Variants in PRIM2 observed in about 807,000 individuals in gnomAD.
The protein encoded by PRIM2 is DNA primase large subunit.
A neutral mutation model predicts 67.3 loss-of-function variants in PRIM2; 39 were observed. That is an observed-to-expected ratio of 0.58 (90% CI 0.45 to 0.76). The LOEUF is 0.76. PRIM2 is among the 30% of genes least tolerant of loss of function. The pLI, the probability that PRIM2 is intolerant of heterozygous loss-of-function variation, is 0.00. For synonymous variants in PRIM2, 143 were observed against 198.7 expected (o/e 0.72, Z 2.36); for missense variants, 398 against 598.7 (o/e 0.66, Z 3.50).
chr6:57,435,540 A>G (rs1581901639), intron 7 of PRIM2, among the ~76,000 whole-genome samples: 1 of 152,222 alleles, frequency 6.6e-6, no homozygotes, highest in Admixed American at 6.5e-5. Context: ...AAACATCATA[A>G]AAGTATGGAC....
At chr6:57,471,694 A>G (rs1230062474) in intron 7 of PRIM2, among the ~76,000 whole-genome samples, 1 of 152,230 alleles carries the variant, frequency 6.6e-6, no homozygotes, top group Non-Finnish European at 1.5e-5. Context: ...TGGATGAACA[A>G]TGAATGATTT....
At chr6:57,608,970 C>T (rs1297385863) in intron 12 of PRIM2, among the ~76,000 whole-genome samples, 5 of 152,182 alleles carry the variant, frequency 3.3e-5, no homozygotes, top group African/African-American at 4.8e-5. Context: ...ACATTTGTTA[C>T]ACTTGATTGT....
At chr6:57,622,169 C>T (rs1359976678) in intron 12 of PRIM2, among the ~76,000 whole-genome samples, 45 of 151,636 alleles carry the variant, frequency 3.0e-4, no homozygotes, top group African/African-American at 1.1e-3. Context: ...ATAATGGTAT[C>T]GAAAAAAAGC....
intron 7 of PRIM2, among the ~76,000 whole-genome samples, chr6:57,409,278 C>T (rs1369983239): frequency 6.6e-6 from 1 of 152,056 alleles, no homozygotes; most frequent in Admixed American, 6.5e-5. Flanking sequence ...CGGGTTCACG[C>T]CATTCTTCTG....
At chr6:57,423,040 A>AT (rs1771514994) in intron 7 of PRIM2, among the ~76,000 whole-genome samples, 1 of 152,166 alleles carries the variant, frequency 6.6e-6, no homozygotes, top group Admixed American at 6.5e-5. Flanking sequence ...CAAATGGCTG[A>AT]TTTTTGTAAT....
chr6:57,586,926 T>C (rs1388914567), intron 10 of PRIM2: 73 of 152,346 alleles, frequency 4.8e-4, no homozygotes, highest in African/African-American at 1.8e-3. Flanking sequence ...ATCATCAGTC[T>C]ATGAGAAATT....
In PRIM2 at chr6:57,378,066, C is replaced by CT. The variant is rs72149303; in HGVS notation, c.460-1821dup. ...CAGAAAGCTTTTTCTTCTTCTTCTT[C>CT]TTTTTTTTTTTTTTGATAATGGTTT... On this transcript the variant is annotated intron_variant, in intron 5 of 13. Transcript: ENST00000615550. 8.0e-3 allele frequency among the ~76,000 whole-genome samples: 1,144 copies of CT among 142,210 alleles called. 10 individuals are homozygous for CT. Among genetic ancestry groups the CT allele is most frequent in the African/African-American group, 0.022 (846 of 38,902 alleles). 93.3% of individuals were successfully genotyped at this position (142,210 alleles called of 152,430 possible).
chr6:57,444,033 A>G (rs1772285384), intron 7 of PRIM2, among the ~76,000 whole-genome samples: 1 of 152,118 alleles, frequency 6.6e-6, no homozygotes, highest in African/African-American at 2.4e-5. Flanking sequence ...TCCTTTTCCC[A>G]TTGTATATTT....
At chr6:57,416,784 A>G (rs1771277431) in intron 7 of PRIM2, among the ~76,000 whole-genome samples, 1 of 152,070 alleles carries the variant, frequency 6.6e-6, no homozygotes, top group Non-Finnish European at 1.5e-5. Context: ...TCATGGACCC[A>G]TCTCTGCTAG....
intron 13 of PRIM2, among the ~76,000 whole-genome samples, chr6:57,638,349 G>A (rs1777160757): frequency 6.6e-6 from 1 of 151,970 alleles, no homozygotes; most frequent in African/African-American, 2.4e-5. Flanking sequence ...CAACTAATGG[G>A]CAAAATAACC....
At chr6:57,324,984 CTG>C (rs1767796899) in intron 4 of PRIM2, among the ~76,000 whole-genome samples, 1 of 152,050 alleles carries the variant, frequency 6.6e-6, no homozygotes, top group Non-Finnish European at 1.5e-5. Flanking sequence ...TGCTGACAAT[CTG>C]TGAAAATCTC....
At chr6:57,564,858 A>G (rs1178362933) in intron 10 of PRIM2, among the ~76,000 whole-genome samples, 2 of 152,272 alleles carry the variant, frequency 1.3e-5, no homozygotes, top group African/African-American at 4.8e-5. Flanking sequence ...TTTATGAACC[A>G]TATGGTTTCT....
At chr6:57,579,972 A>C in intron 10 of PRIM2, among the ~76,000 whole-genome samples, 1 of 152,218 alleles carries the variant, frequency 6.6e-6, no homozygotes, top group African/African-American at 2.4e-5. Flanking sequence ...TTATGCACCC[A>C]GAAACATATT....
intron 7 of PRIM2, among the ~76,000 whole-genome samples, chr6:57,473,246 A>G (rs1188468331): frequency 0.012 from 1,775 of 152,294 alleles, 21 homozygotes; most frequent in Non-Finnish European, 0.02. Flanking sequence ...GGGTGATGAG[A>G]TAACTGGAAG....
chr6:57,497,464 G>A (rs1774029894), intron 7 of PRIM2: 1 of 152,186 alleles, frequency 6.6e-6, no homozygotes, highest in Non-Finnish European at 1.5e-5. Context: ...TAGGTTTCAT[G>A]ATCAAAAATC....
At chr6:57,636,471 T>C (rs1281602152) in intron 13 of PRIM2, among the ~76,000 whole-genome samples, 155 of 152,314 alleles carry the variant, frequency 1.0e-3, no homozygotes, top group Non-Finnish European at 1.7e-3. Flanking sequence ...AACAGCCATA[T>C]ACACTTCCCT....
intron 5 of PRIM2, among the ~76,000 whole-genome samples, chr6:57,349,870 T>G (rs557400457): frequency 2.6e-5 from 4 of 152,220 alleles, no homozygotes; most frequent in Non-Finnish European, 5.9e-5. Flanking sequence ...TCAAGTTATA[T>G]CTGGATATTT....
intron 8 of PRIM2, among the ~76,000 whole-genome samples, chr6:57,524,591 C>T (rs1258982865): frequency 6.6e-6 from 1 of 151,992 alleles, no homozygotes; most frequent in African/African-American, 2.4e-5. Context: ...ATCCCAGCTA[C>T]TCGGGAGGCT....
At chr6:57,464,522 A>G (rs1290964476) in intron 7 of PRIM2, among the ~76,000 whole-genome samples, 1 of 151,882 alleles carries the variant, frequency 6.6e-6, no homozygotes, top group Non-Finnish European at 1.5e-5. Flanking sequence ...TGATCTGCCC[A>G]CCTCGACCCC....
Sources: allele counts gnomAD v4.1 joint callset (sites outside exome capture counted in the v4.1 genomes callset), GRCh38; gene constraint gnomAD v4.1.1; transcripts MANE v1.5; gene names NCBI Gene and HGNC (gene_info 2026-07-23, HGNC 2026-07-21).